NFATC2: variants seen among roughly 807,000 people sequenced by gnomAD.
NFATC2 encodes nuclear factor of activated T-cells, cytoplasmic 2.
Under a neutral mutation model 87.3 loss-of-function variants are expected in NFATC2, and 22 were observed. The ratio of observed to expected loss-of-function variants is 0.25; its 90% CI spans 0.18 to 0.36. NFATC2 has a LOEUF of 0.36. Among genes scored for constraint, NFATC2 ranks in the 10% least tolerant of loss-of-function variants. The pLI is 1.00. For missense variants in NFATC2, 1,149 were observed against 1,259.1 expected (o/e 0.91, Z 1.32); for synonymous variants, 565 against 542.2 (o/e 1.04, Z -0.58).
chr20:51,457,745 C>T (rs1403302762), intron 5 of NFATC2, among the ~76,000 whole-genome samples: 1 of 152,130 alleles, frequency 6.6e-6, no homozygotes, highest in African/African-American at 2.4e-5. Flanking sequence ...CCACCCCAGA[C>T]CTGCCCAGCC....
chr20:51,520,192 G>A (rs2076421137), intron 2 of NFATC2, among the ~76,000 whole-genome samples: 1 of 152,190 alleles, frequency 6.6e-6, no homozygotes, highest in Non-Finnish European at 1.5e-5. Context: ...TGTAAACAAA[G>A]TGTCCGATAA....
intron 10 of NFATC2, among the ~76,000 whole-genome samples, chr20:51,395,744 A>AC (rs1186396352): frequency 7.3e-5 from 11 of 150,840 alleles, no homozygotes; most frequent in Admixed American, 2.0e-4. Context: ...TGACAAAGTC[A>AC]TTTATATATA....
At chr20:51,394,389 TCAGCACTGTTCCC>T (rs1986752255) in intron 10 of NFATC2, among the ~76,000 whole-genome samples, 1 of 21,818 alleles carries the variant, frequency 4.6e-5, no homozygotes, top group African/African-American at 3.2e-4. Context: ...CTGTCCCCCC[TCAGCACTGTTCCC>T]TCCTCTTGTC....
At chr20:51,528,386 A>G (rs1220137344) in intron 1 of NFATC2, among the ~76,000 whole-genome samples, 3 of 149,918 alleles carry the variant, frequency 2.0e-5, no homozygotes, top group Non-Finnish European at 4.5e-5. Context: ...GAGGATGTAC[A>G]CAAACACAGA....
chr20:51,560,129 T>C (rs1250499376), intron 1 of NFATC2, among the ~76,000 whole-genome samples: 1 of 152,224 alleles, frequency 6.6e-6, no homozygotes, highest in Non-Finnish European at 1.5e-5. Flanking sequence ...TTGTAGCTAA[T>C]ATTTATGGAG....
chr20:51,403,435 G>A (rs572200759), intron 9 of NFATC2, among the ~76,000 whole-genome samples: 12 of 152,300 alleles, frequency 7.9e-5, no homozygotes, highest in Non-Finnish European at 8.8e-5. Context: ...GTAGTTCCCA[G>A]AACAGGCAGA....
At chr20:51,508,844 C>T (rs1319407626) in intron 3 of NFATC2, among the ~76,000 whole-genome samples, 2 of 152,002 alleles carry the variant, frequency 1.3e-5, no homozygotes, top group East Asian at 1.9e-4. Flanking sequence ...CTCCCCCATG[C>T]CCCCACCCTG....
chr20:51,398,420 G>T (rs77379100), intron 10 of NFATC2, among the ~76,000 whole-genome samples: 1 of 152,032 alleles, frequency 6.6e-6, no homozygotes, highest in African/African-American at 2.4e-5. Flanking sequence ...CAAGTTAATG[G>T]GGCCTCATCC....
chr20:51,472,334 G>T (rs1371100005), intron 5 of NFATC2, among the ~76,000 whole-genome samples: 1 of 152,270 alleles, frequency 6.6e-6, no homozygotes, highest in Admixed American at 6.5e-5. Context: ...CTGCAGTTGA[G>T]TAGCAGCAGC....
At chr20:51,557,946 T>A (rs2076992083) in intron 1 of NFATC2, among the ~76,000 whole-genome samples, 1 of 152,128 alleles carries the variant, frequency 6.6e-6, no homozygotes, top group Non-Finnish European at 1.5e-5. Flanking sequence ...AGTACCAGGA[T>A]GCAAGCAGCA....
At chr20:51,556,919 G>C (rs897984208) in intron 1 of NFATC2, among the ~76,000 whole-genome samples, 1 of 152,166 alleles carries the variant, frequency 6.6e-6, no homozygotes, top group African/African-American at 2.4e-5. Flanking sequence ...ATTGCGTGGT[G>C]CAGAAAGTCA....
intron 9 of NFATC2, among the ~76,000 whole-genome samples, chr20:51,400,002 C>CTGTTCCCATGAT (rs1987823434): frequency 1.3e-5 from 2 of 152,220 alleles, no homozygotes; most frequent in African/African-American, 4.8e-5. Flanking sequence ...CGTGTCTCAC[C>CTGTTCCCATGAT]TGTTCCCATG....
At chr20:51,416,965 G>A (rs981864634) in intron 9 of NFATC2, among the ~76,000 whole-genome samples, 15 of 152,104 alleles carry the variant, frequency 9.9e-5, no homozygotes, top group African/African-American at 3.6e-4. Flanking sequence ...AGTGGGTCTG[G>A]GGCAAAAGCC....
At chr20:51,471,822 A>AT (rs144582243) in intron 5 of NFATC2, among the ~76,000 whole-genome samples, 5 of 152,168 alleles carry the variant, frequency 3.3e-5, no homozygotes, top group African/African-American at 7.2e-5. Context: ...TTTTTCTACT[A>AT]TTTTTTTAAA....
At chr20:51,468,123 C>A (rs566576984) in intron 5 of NFATC2, among the ~76,000 whole-genome samples, 2 of 152,090 alleles carry the variant, frequency 1.3e-5, no homozygotes, top group Non-Finnish European at 2.9e-5. Context: ...ATTAATCAAC[C>A]GTGATAGAAA....
At chr20:51,525,520 C>G (rs370511701) in intron 1 of NFATC2, among the ~76,000 whole-genome samples, 7 of 149,906 alleles carry the variant, frequency 4.7e-5, no homozygotes, top group African/African-American at 1.5e-4. Context: ...GAGTTAGTGC[C>G]ACCCACCCAC....
chr20:51,428,128 G>A (rs1427091815), intron 9 of NFATC2, among the ~76,000 whole-genome samples: 1 of 152,118 alleles, frequency 6.6e-6, no homozygotes, highest in South Asian at 2.1e-4. Context: ...GTTAAGGACA[G>A]GGAGGGTTGG....
At chr20:51,463,651 CT>C (rs1326858047) in intron 5 of NFATC2, among the ~76,000 whole-genome samples, 1 of 152,232 alleles carries the variant, frequency 6.6e-6, no homozygotes, top group Non-Finnish European at 1.5e-5. Flanking sequence ...AGCTCTGCCC[CT>C]GCCTTGCCAG....
At chr20:51,414,211 A>G (rs923038592) in intron 9 of NFATC2, among the ~76,000 whole-genome samples, 2 of 152,054 alleles carry the variant, frequency 1.3e-5, no homozygotes, top group Admixed American at 6.5e-5. Flanking sequence ...CAGTGCAGAC[A>G]AGTCACAGCA....
Sources: gnomAD v4.1 joint callset for allele counts (sites outside exome capture counted in the v4.1 genomes callset) on GRCh38, gnomAD v4.1.1 for gene constraint, MANE v1.5 for transcripts, NCBI Gene and HGNC (gene_info 2026-07-23, HGNC 2026-07-21) for gene names.